The following IRGM variants were observed in gnomAD, a reference collection of about 807,000 sequenced individuals.
The protein encoded by IRGM is immunity-related GTPase family M protein.
For synonymous variants in IRGM, 98 were observed against 80.6 expected (o/e 1.22, Z -1.16); for missense variants, 288 against 219.9 (o/e 1.31, Z -1.96).
chr5:150,848,940 A>G (rs1228014475), downstream of IRGM, among the ~76,000 whole-genome samples: 1 of 152,124 alleles, frequency 6.6e-6, no homozygotes, highest in East Asian at 1.9e-4. Context: ...ATGCAAGATT[A>G]TATCATCAGG....
intron 1 of IRGM, among the ~76,000 whole-genome samples, chr5:150,875,997 C>T (rs6579803): frequency 0.2 from 30,902 of 152,134 alleles, 4,973 homozygotes; most frequent in East Asian, 0.43. Flanking sequence ...ATCCACCATC[C>T]ACCATCATGG....
At chr5:150,883,828 A>T (rs886711897) in intron 3 of IRGM, among the ~76,000 whole-genome samples, 5 of 152,054 alleles carry the variant, frequency 3.3e-5, no homozygotes, top group Admixed American at 2.6e-4. Flanking sequence ...AATAGTACCA[A>T]TTCTTCTCAA....
At chr5:150,892,655 T>G (rs10052606) in intron 3 of IRGM, among the ~76,000 whole-genome samples, 31,803 of 152,102 alleles carry the variant, frequency 0.21, 5,367 homozygotes, top group African/African-American at 0.45. Context: ...AGCCATTAAA[T>G]ATGATGTTTA....
downstream of IRGM, among the ~76,000 whole-genome samples, chr5:150,900,935 G>A (rs10035221): frequency 0.25 from 38,248 of 151,880 alleles, 6,967 homozygotes; most frequent in East Asian, 0.59. Flanking sequence ...TAATTTTGAG[G>A]AAAATATAGT....
chr5:150,879,019 G>T (rs957009556), intron 2 of IRGM, among the ~76,000 whole-genome samples: 1 of 151,990 alleles, frequency 6.6e-6, no homozygotes, highest in Non-Finnish European at 1.5e-5. Flanking sequence ...ACACACTAGG[G>T]GTTAAAACAC....
chr5:150,873,008 A>G (rs1236802995), intron 1 of IRGM, among the ~76,000 whole-genome samples: 1 of 152,228 alleles, frequency 6.6e-6, no homozygotes, highest in East Asian at 1.9e-4. Context: ...GCAGTCACTC[A>G]ACTACAAAAT....
chr5:150,847,476 C>T (rs1178766186), intron 1 of IRGM: 2 of 152,534 alleles, frequency 1.3e-5, no homozygotes, highest in Non-Finnish European at 2.9e-5. Context: ...CTCATGGCCA[C>T]ATGCCTGCTT....
At chr5:150,856,839 T>A (rs536527158) in intron 1 of IRGM, among the ~76,000 whole-genome samples, 165 of 149,442 alleles carry the variant, frequency 1.1e-3, no homozygotes, top group South Asian at 2.1e-3. Context: ...CCATTTTCTT[T>A]TTTTATTTTA....
chr5:150,862,815 A>G (rs1205545715), intron 1 of IRGM, among the ~76,000 whole-genome samples: 1 of 152,240 alleles, frequency 6.6e-6, no homozygotes, highest in African/African-American at 2.4e-5. Flanking sequence ...GAGAGCAATG[A>G]CAGCCCTAGA....
chr5:150,895,453 G>T (rs1229377302), intron 3 of IRGM: 3 of 1,610,282 alleles, frequency 1.9e-6, no homozygotes, highest in Non-Finnish European at 2.5e-6. Flanking sequence ...TGAATTCTCT[G>T]GTGTACAGTT....
intron 3 of IRGM, chr5:150,897,117 A>G: frequency 1.7e-6 from 1 of 598,104 alleles, no homozygotes; most frequent in Non-Finnish European, 2.9e-6. Context: ...ACAGTACAGC[A>G]TATAGTGTTA....
downstream of IRGM, among the ~76,000 whole-genome samples, chr5:150,848,910 T>C (rs1753931111): frequency 6.6e-6 from 1 of 152,088 alleles, no homozygotes; most frequent in South Asian, 2.1e-4. Flanking sequence ...GTGCTAAAAA[T>C]GATCAGTGTC....
At chr5:150,875,624 C>T (rs1470226343) in intron 1 of IRGM, among the ~76,000 whole-genome samples, 1 of 152,118 alleles carries the variant, frequency 6.6e-6, no homozygotes, top group Non-Finnish European at 1.5e-5. Flanking sequence ...GCCTCTATCC[C>T]CAGCCACCCC....
At chr5:150,871,880 C>T (rs969715252) in intron 1 of IRGM, among the ~76,000 whole-genome samples, 2 of 152,156 alleles carry the variant, frequency 1.3e-5, no homozygotes, top group South Asian at 2.1e-4. Context: ...GGGCTCTGCC[C>T]GGAGCTCATT....
intron 1 of IRGM, among the ~76,000 whole-genome samples, chr5:150,854,912 T>C (rs1347848055): frequency 2.0e-5 from 3 of 152,180 alleles, no homozygotes; most frequent in Non-Finnish European, 4.4e-5. Context: ...CAAAGTCCCA[T>C]AATGTTTTAA....
intron 3 of IRGM, among the ~76,000 whole-genome samples, chr5:150,880,698 A>G (rs1255066602): frequency 2.6e-5 from 4 of 152,236 alleles, no homozygotes; most frequent in Middle Eastern, 3.2e-3. Flanking sequence ...AACATGTTAA[A>G]TAACTTTCAC....
In IRGM at chr5:150,848,478, G is replaced by T; in HGVS notation, c.355G>T (p.Ala119Ser). The T allele has an allele frequency of 1.3e-6, 2 of 1,551,826 alleles. No individual in the cohort carries two copies. The highest frequency in any genetic ancestry group is 8.7e-7 in the Non-Finnish European group (1 of 1,146,982). ...CAACCGGTATGACTTCATCATGGTT[G>T]CATCTGCACAATTCAGCATGAATCA... The part of the protein sequence containing the change: ...QFNRYDFIMV[A>S]SAQFSMNHVM... The change falls in exon 2 of 2, where the codon GCA becomes TCA. Residue 119 changes from alanine (A) to serine (S), a missense_variant. Coordinates refer to ENST00000522154, the MANE Select transcript of IRGM (RefSeq NM_001145805.2).
chr5:150,863,914 G>T (rs531748303), intron 1 of IRGM, among the ~76,000 whole-genome samples: 1 of 152,260 alleles, frequency 6.6e-6, no homozygotes, highest in African/African-American at 2.4e-5. Context: ...TTGAGGGAGA[G>T]ATCTGGAGGC....
intron 3 of IRGM, among the ~76,000 whole-genome samples, chr5:150,899,788 A>G (rs985172385): frequency 1.2e-4 from 19 of 152,166 alleles, no homozygotes; most frequent in Non-Finnish European, 2.5e-4. Flanking sequence ...AACTAATAGC[A>G]GAAACTAATC....
Sources: allele counts gnomAD v4.1 joint callset (sites outside exome capture counted in the v4.1 genomes callset), GRCh38; gene constraint gnomAD v4.1.1; transcripts MANE v1.5; gene names NCBI Gene and HGNC (gene_info 2026-07-23, HGNC 2026-07-21).